UNC13C: variants seen among roughly 807,000 people sequenced by gnomAD.
UNC13C encodes the protein protein unc-13 homolog C.
In UNC13C, 174 loss-of-function variants were observed where a neutral mutation model predicts 245.4. The observed-to-expected ratio is 0.71, with a 90% confidence interval of 0.63 to 0.80. The LOEUF (loss-of-function observed/expected upper bound fraction) is 0.80, where lower values mean the gene tolerates loss of function less well. Ranked by LOEUF, UNC13C falls within the 30% of genes least tolerant of loss-of-function variation. UNC13C has a pLI of 0.00. For synonymous variants in UNC13C, 992 were observed against 895.1 expected (o/e 1.11, Z -1.93); for missense variants, 2,829 against 2,602.9 (o/e 1.09, Z -1.89).
chr15:54,331,903 G>T, intron 14 of UNC13C, 140 bp from the exon 15 acceptor site: 1 of 520,428 alleles, frequency 1.9e-6, no homozygotes, highest in African/African-American at 2.0e-5. Context: ...ATGCCACATA[G>T]TAACTTTATG....
chr15:54,048,526 C>G (rs536681292), intron 2 of UNC13C: 1 of 543,784 alleles, frequency 1.8e-6, no homozygotes, highest in Non-Finnish European at 3.5e-6. Flanking sequence ...GTATGTGGGC[C>G]ATTTTTTGAC....
intron 19 of UNC13C, among the ~76,000 whole-genome samples, chr15:54,462,060 T>C (rs568883405): frequency 1.3e-5 from 2 of 152,244 alleles, no homozygotes; most frequent in Non-Finnish European, 2.9e-5. Context: ...TCATGTTAAG[T>C]ACTGGGATAC....
the UNC13C span, among the ~76,000 whole-genome samples, chr15:53,863,059 T>C: frequency 0.62 from 94,270 of 152,010 alleles, 29,418 homozygotes; most frequent in East Asian, 0.76. Context: ...AGGTAAAATT[T>C]CTCTCCAGCT....
intron 22 of UNC13C, among the ~76,000 whole-genome samples, chr15:54,502,354 CAGAG>C (rs1417688629): frequency 1.3e-5 from 2 of 152,148 alleles, no homozygotes; most frequent in Non-Finnish European, 2.9e-5. Context: ...CAGAGACAGA[CAGAG>C]AGACACTAAA....
At chr15:54,588,997 C>T (rs954025737) in intron 30 of UNC13C, among the ~76,000 whole-genome samples, 5 of 152,106 alleles carry the variant, frequency 3.3e-5, no homozygotes, top group Non-Finnish European at 5.9e-5. Flanking sequence ...TGGGTAGATA[C>T]CCAGTAGTGA....
chr15:54,327,420 AT>A (rs919109067), intron 14 of UNC13C, among the ~76,000 whole-genome samples: 3 of 151,684 alleles, frequency 2.0e-5, no homozygotes, highest in East Asian at 1.9e-4. Context: ...GAGTTGACAT[AT>A]TTTTTAATGG....
chr15:54,368,089 A>G (rs575131470), intron 17 of UNC13C, among the ~76,000 whole-genome samples: 2 of 152,062 alleles, frequency 1.3e-5, no homozygotes, highest in Non-Finnish European at 2.9e-5. Flanking sequence ...TTTGCACTCA[A>G]GGACACCCCA....
intron 19 of UNC13C, among the ~76,000 whole-genome samples, chr15:54,454,371 G>A (rs2141013477): frequency 6.6e-6 from 1 of 152,150 alleles, no homozygotes; most frequent in East Asian, 1.9e-4. Context: ...GAGGTCAGGA[G>A]TTCGAGACCA....
intron 18 of UNC13C, among the ~76,000 whole-genome samples, chr15:54,404,225 T>C (rs1160662220): frequency 6.6e-6 from 1 of 152,192 alleles, no homozygotes; most frequent in Non-Finnish European, 1.5e-5. Flanking sequence ...TTAACCTACT[T>C]TTCTTCAAAG....
At chr15:54,259,387 G>A (rs531905809) in intron 8 of UNC13C, among the ~76,000 whole-genome samples, 89 of 152,328 alleles carry the variant, frequency 5.8e-4, no homozygotes, top group African/African-American at 2.1e-3. Flanking sequence ...CACATGGCTG[G>A]TGAGGCCTAA....
the UNC13C span, among the ~76,000 whole-genome samples, chr15:53,936,192 T>C: frequency 2.6e-5 from 4 of 152,196 alleles, no homozygotes; most frequent in East Asian, 3.9e-4. Flanking sequence ...CAGTCAGCCA[T>C]TGTAGCCTGC....
chr15:54,612,679 G>C (rs1900180959), intron 30 of UNC13C, among the ~76,000 whole-genome samples: 1 of 151,838 alleles, frequency 6.6e-6, no homozygotes, highest in Non-Finnish European at 1.5e-5. Context: ...TGCTTTAAAA[G>C]GCAATTTTTA....
chr15:54,231,973 G>A (rs1270194007), intron 4 of UNC13C, among the ~76,000 whole-genome samples: 2 of 151,942 alleles, frequency 1.3e-5, no homozygotes, highest in Non-Finnish European at 1.5e-5. Flanking sequence ...CTCCAAGATC[G>A]CTCCTGGTAA....
the UNC13C span, among the ~76,000 whole-genome samples, chr15:53,963,333 A>G: frequency 9.2e-5 from 14 of 152,336 alleles, no homozygotes; most frequent in African/African-American, 3.4e-4. Flanking sequence ...TTTCAGGTTT[A>G]GGGAAGACAG....
Position 54,546,740 on chromosome 15 carries a change from A to T in UNC13C, c.5715A>T (p.Lys1905Asn). ...TTTTCAGATTAAGTCTCTCAGCAAA[A>T]ATCTGTGAGAAAACAGTCCTAAAGC... ...FLDKTLSLSA[K>N]ICEKTVLKRV... is the part of the protein sequence containing the mutation. The change falls in exon 27 of 33, where the codon AAA becomes AAT. Residue 1905 changes from lysine (K) to asparagine (N), a missense_variant. Physicochemically the swap from Lys to Asn is moderately conservative, Grantham distance 94 (BLOSUM62 0). Transcript: ENST00000260323. 1 of 1,511,562 alleles carries T rather than the reference A, an allele frequency of 6.6e-7. No homozygotes were observed. The highest frequency in any genetic ancestry group is 1.8e-4 in the Middle Eastern group (1 of 5,592). 93.6% of individuals were successfully genotyped at this position (1,511,562 alleles called of 1,614,324 possible). A position where few individuals can be genotyped will look rare whatever the true frequency, so the allele number is the denominator to read the frequency against.
chr15:54,190,754 A>G (rs2034155620), intron 4 of UNC13C, among the ~76,000 whole-genome samples: 1 of 152,044 alleles, frequency 6.6e-6, no homozygotes, highest in South Asian at 2.1e-4. Context: ...ATTTATATAT[A>G]ATAGATAAAC....
At chr15:54,264,463 C>G in intron 9 of UNC13C, 68 bp downstream of exon 9, 1 of 1,157,366 alleles carries the variant, frequency 8.6e-7, no homozygotes, top group Non-Finnish European at 1.2e-6. Flanking sequence ...GAAATAACTG[C>G]TAATAATAAT....
chr15:54,300,437 G>GCTCCTTTCT, intron 13 of UNC13C, 64 bp downstream of exon 13: 1 of 1,399,700 alleles, frequency 7.1e-7, no homozygotes, highest in Non-Finnish European at 9.6e-7. Flanking sequence ...AGAAAGGAGC[G>GCTCCTTTCT]TTCATCTCAC....
At chr15:54,341,007 G>A (rs927933244) in intron 17 of UNC13C, among the ~76,000 whole-genome samples, 1 of 152,106 alleles carries the variant, frequency 6.6e-6, no homozygotes, top group African/African-American at 2.4e-5. Flanking sequence ...ACTGTTGGTG[G>A]GAATATAAAT....
Sources: gnomAD v4.1 joint callset for allele counts (sites outside exome capture counted in the v4.1 genomes callset) on GRCh38, gnomAD v4.1.1 for gene constraint, MANE v1.5 for transcripts, NCBI Gene and HGNC (gene_info 2026-07-23, HGNC 2026-07-21) for gene names.